AGBL1: variants seen among roughly 807,000 people sequenced by gnomAD.
The protein encoded by AGBL1 is AGBL carboxypeptidase 1, also known as cytosolic carboxypeptidase 4.
Under a neutral mutation model 118.9 loss-of-function variants are expected in AGBL1, and 130 were observed. That is an observed-to-expected ratio of 1.09 (90% CI 0.95 to 1.26). The LOEUF (loss-of-function observed/expected upper bound fraction) is 1.26, where lower values mean the gene tolerates loss of function less well. Ranked by LOEUF, AGBL1 falls within the 50% of genes most tolerant of loss-of-function variation. The pLI is 0.00. For missense variants in AGBL1, 1,584 were observed against 1,298.1 expected (o/e 1.22, Z -3.38); for synonymous variants, 555 against 478.9 (o/e 1.16, Z -2.08).
intron 19 of AGBL1, among the ~76,000 whole-genome samples, chr15:86,535,928 C>G (rs978585827): frequency 6.6e-6 from 1 of 152,096 alleles, no homozygotes; most frequent in Non-Finnish European, 1.5e-5. Flanking sequence ...TTTCATAACT[C>G]GTGTTAAGGT....
intron 22 of AGBL1, among the ~76,000 whole-genome samples, chr15:86,721,685 A>G (rs1394070241): frequency 3.3e-5 from 5 of 152,308 alleles, no homozygotes; most frequent in Admixed American, 2.6e-4. Flanking sequence ...GAAATAAAAG[A>G]TATTCAATTA....
At chr15:86,471,302 T>A (rs946978835) in intron 18 of AGBL1, among the ~76,000 whole-genome samples, 3 of 152,232 alleles carry the variant, frequency 2.0e-5, no homozygotes, top group African/African-American at 7.2e-5. Context: ...ATTGAGACAG[T>A]CATATGATTT....
intron 22 of AGBL1, among the ~76,000 whole-genome samples, chr15:86,757,095 T>TC (rs1428850878): frequency 4.2e-4 from 64 of 152,240 alleles, no homozygotes; most frequent in African/African-American, 1.3e-3. Flanking sequence ...TATACGATTT[T>TC]CTGAGTATTT....
At chr15:86,801,184 CT>C (rs759354023) in intron 22 of AGBL1, among the ~76,000 whole-genome samples, 1 of 151,960 alleles carries the variant, frequency 6.6e-6, no homozygotes, top group East Asian at 1.9e-4. Flanking sequence ...ATCATGGTTC[CT>C]TTAGTTCTTT....
intron 22 of AGBL1, among the ~76,000 whole-genome samples, chr15:86,686,864 C>G (rs1459002332): frequency 1.3e-5 from 2 of 152,086 alleles, no homozygotes; most frequent in Admixed American, 1.3e-4. Context: ...AATAACTTGC[C>G]TAAGCCCACA....
chr15:86,186,326 TAACA>T (rs779219347), intron 5 of AGBL1, among the ~76,000 whole-genome samples: 13 of 152,150 alleles, frequency 8.5e-5, no homozygotes, highest in Non-Finnish European at 1.6e-4. Context: ...TTTACCTGTG[TAACA>T]AACCTGCATA....
intron 22 of AGBL1, among the ~76,000 whole-genome samples, chr15:86,892,778 A>T (rs1444549302): frequency 6.6e-6 from 1 of 152,160 alleles, no homozygotes; most frequent in African/African-American, 2.4e-5. Flanking sequence ...GTAATAAATT[A>T]TGTCCTTCCT....
intron 20 of AGBL1, among the ~76,000 whole-genome samples, chr15:86,548,394 G>A (rs2083615504): frequency 6.6e-6 from 1 of 151,916 alleles, no homozygotes; most frequent in Admixed American, 6.6e-5. Context: ...TAGTTATGTT[G>A]GTATAAAGAG....
intron 22 of AGBL1, among the ~76,000 whole-genome samples, chr15:86,758,830 G>A (rs1339753524): frequency 6.6e-6 from 1 of 151,722 alleles, no homozygotes; most frequent in Non-Finnish European, 1.5e-5. Flanking sequence ...AAAATTAACT[G>A]GGCATGGTGG....
At chr15:86,864,938 C>G (rs1035928068) in intron 22 of AGBL1, among the ~76,000 whole-genome samples, 1 of 152,176 alleles carries the variant, frequency 6.6e-6, no homozygotes, top group African/African-American at 2.4e-5. Flanking sequence ...TTTCAGAGCA[C>G]TTATCACAAT....
chr15:86,183,753 A>G (rs2077584995), intron 5 of AGBL1, among the ~76,000 whole-genome samples: 1 of 152,188 alleles, frequency 6.6e-6, no homozygotes, highest in Non-Finnish European at 1.5e-5. Context: ...GTTTCAGGCC[A>G]AATGAATCCC....
At chr15:86,404,866 G>A (rs1327278501) in intron 18 of AGBL1, among the ~76,000 whole-genome samples, 2 of 152,170 alleles carry the variant, frequency 1.3e-5, no homozygotes, top group African/African-American at 2.4e-5. Context: ...TAGTCAATAA[G>A]TGTGTTAGTT....
chr15:86,857,456 A>G (rs991017372), intron 22 of AGBL1, among the ~76,000 whole-genome samples: 3 of 152,030 alleles, frequency 2.0e-5, no homozygotes, highest in African/African-American at 7.2e-5. Flanking sequence ...CTGTTTTCAC[A>G]TGGTCTCTCT....
chr15:86,342,830 C>T (rs117757900), intron 17 of AGBL1, among the ~76,000 whole-genome samples: 177 of 152,214 alleles, frequency 1.2e-3, no homozygotes, highest in Non-Finnish European at 2.1e-3. Flanking sequence ...TGTTTTTCTG[C>T]CTTAAAGGAG....
chr15:86,456,399 T>A (rs975430658), intron 18 of AGBL1, among the ~76,000 whole-genome samples: 3 of 152,192 alleles, frequency 2.0e-5, no homozygotes, highest in African/African-American at 7.2e-5. Flanking sequence ...TTTTGACTCT[T>A]CAATTCAATA....
intron 22 of AGBL1, among the ~76,000 whole-genome samples, chr15:86,720,028 G>C (rs181954015): frequency 5.3e-4 from 80 of 152,268 alleles, no homozygotes; most frequent in African/African-American, 1.8e-3. Flanking sequence ...TGATTTCCCA[G>C]ACCTTTGCTT....
At chr15:86,302,422 G>A (rs558555665) in intron 17 of AGBL1, among the ~76,000 whole-genome samples, 19 of 152,152 alleles carry the variant, frequency 1.2e-4, no homozygotes, top group African/African-American at 4.6e-4. Context: ...TGGGGGCAAT[G>A]TCTTTTCAAG....
chr15:86,514,129 CACACAA>C lies in AGBL1; in HGVS notation c.2556-8675_2556-8670del, dbSNP rs1161539800. On this transcript the variant is annotated intron_variant, in intron 18 of 22. Transcript: ENST00000614907. ...GCTGGGAAATAGATGTATGAATACACACACAAACACACACACACACACACACACACA... is the reference window on the plus strand; with the variant it reads ...GCTGGGAAATAGATGTATGAATACACACACACACACACACACACACACACA... 1.0e-4 allele frequency among the ~76,000 whole-genome samples: 6 copies of C among 58,344 alleles called. No homozygotes were observed. In the South Asian group the frequency reaches 2.4e-3, roughly 23 times the overall value. The allele number at this position is 58,344 out of a possible 152,430, so 38.3% of individuals were successfully genotyped here.
At chr15:86,349,627 C>T (rs1176823224) in intron 17 of AGBL1, among the ~76,000 whole-genome samples, 1 of 152,120 alleles carries the variant, frequency 6.6e-6, no homozygotes, top group African/African-American at 2.4e-5. Flanking sequence ...AATAAATGAA[C>T]AAAAACTGTT....
Sources: allele counts gnomAD v4.1 joint callset (sites outside exome capture counted in the v4.1 genomes callset), GRCh38; gene constraint gnomAD v4.1.1; transcripts MANE v1.5; gene names NCBI Gene and HGNC (gene_info 2026-07-23, HGNC 2026-07-21).